Variants in NEXMIF observed in about 807,000 individuals in gnomAD.
NEXMIF encodes the protein XLMR protein related to neurite extension.
In NEXMIF, 8 loss-of-function variants were observed where a neutral mutation model predicts 62.1. The observed-to-expected ratio is 0.13, with a 90% CI of 0.08 to 0.23. The LOEUF (loss-of-function observed/expected upper bound fraction) is 0.23, where lower values mean the gene tolerates loss of function less well. NEXMIF is among the 10% of genes least tolerant of loss of function. The pLI is 1.00. For missense variants in NEXMIF, 976 were observed against 1,113.3 expected, an observed-to-expected ratio of 0.88 and a Z score of 1.75; for synonymous variants, 404 against 416.6, an observed-to-expected ratio of 0.97 and a Z score of 0.37.
In NEXMIF at chrX:74,758,095, A is replaced by C. The variant is rs2080164417; in HGVS notation, c.-47-12398T>G. On this transcript the variant is annotated intron_variant, in intron 1 of 3. Coordinates refer to ENST00000055682, the MANE Select transcript of NEXMIF (RefSeq NM_001008537.3). ...AACAATGGAAGATGACCTTTTAGGC[A>C]CTTCATATGCCAGACACTGTTAGGC... Among the ~76,000 whole-genome samples the C allele has an allele frequency of 4.5e-5, 5 of 111,950 alleles. No homozygotes were observed. In the Admixed American group the frequency reaches 4.8e-4, roughly 11 times the overall value.
At chrX:74,812,632 G>T (rs1394860485) in intron 1 of NEXMIF, among the ~76,000 whole-genome samples, 1 of 111,473 alleles carries the variant, frequency 9.0e-6, no homozygotes, top group Non-Finnish European at 1.9e-5. Context: ...AGAAAAGATA[G>T]TCAGGGCTGC....
At chrX:74,871,804 A>G (rs950834747) in intron 1 of NEXMIF, among the ~76,000 whole-genome samples, 11 of 111,342 alleles carry the variant, frequency 9.9e-5, no homozygotes, top group African/African-American at 2.9e-4. Flanking sequence ...AATTGCTATT[A>G]TTCTGTTTTT....
At chrX:74,799,229 G>A (rs1017928194) in intron 1 of NEXMIF, among the ~76,000 whole-genome samples, 4 of 110,775 alleles carry the variant, frequency 3.6e-5, no homozygotes, top group African/African-American at 1.3e-4. Flanking sequence ...CCTGTTGAGT[G>A]TGAAGTAAAT....
At chrX:74,799,552 CACAA>C (rs764260809) in intron 1 of NEXMIF, among the ~76,000 whole-genome samples, 2 of 112,472 alleles carry the variant, frequency 1.8e-5, no homozygotes, top group African/African-American at 6.5e-5. Flanking sequence ...TGCACATATA[CACAA>C]ACAAATACAT....
intron 1 of NEXMIF, among the ~76,000 whole-genome samples, chrX:74,885,658 G>C (rs2080689329): frequency 9.0e-6 from 1 of 111,654 alleles, no homozygotes; most frequent in South Asian, 3.8e-4. Flanking sequence ...ATAATTAATA[G>C]CTTACCAACC....
At chrX:74,869,958 GA>G (rs200477834) in intron 1 of NEXMIF, among the ~76,000 whole-genome samples, 21 of 109,115 alleles carry the variant, frequency 1.9e-4, no homozygotes, top group Non-Finnish European at 3.6e-4. Flanking sequence ...CACAGAAATA[GA>G]AAAAAAAATC....
chrX:74,779,255 C>T (rs1337594199), intron 1 of NEXMIF, among the ~76,000 whole-genome samples: 1 of 111,906 alleles, frequency 8.9e-6, no homozygotes, highest in Non-Finnish European at 1.9e-5. Flanking sequence ...CCTTCTAAGC[C>T]CCAGTGTTCT....
At chrX:74,839,699 A>G (rs1200140856) in intron 1 of NEXMIF, among the ~76,000 whole-genome samples, 1 of 112,280 alleles carries the variant, frequency 8.9e-6, no homozygotes. Flanking sequence ...GTTTGCTAAG[A>G]ATAATAGCCT....
chrX:74,835,365 A>G (rs2080452912), intron 1 of NEXMIF, among the ~76,000 whole-genome samples: 1 of 111,154 alleles, frequency 9.0e-6, no homozygotes, highest in African/African-American at 3.3e-5. Context: ...CTGCTTGTAG[A>G]TGTTCACCGG....
rs150159685 is a variant in NEXMIF, at chrX:74,842,596, A to C, written c.-48+82287T>G. On this transcript the variant is annotated intron_variant, in intron 1 of 3. Transcript: ENST00000055682. ...AATTTGAGATCTTTCTAACTTTTTG[A>C]CGTGGGCATTTAGTGCTATTAGTTT... Among the ~76,000 whole-genome samples the C allele has an allele frequency of 4.5e-3, 501 of 111,265 alleles. 2 individuals are homozygous for C. Among genetic ancestry groups the C allele is most frequent in the African/African-American group, 0.015 (473 of 30,595 alleles).
intron 1 of NEXMIF, among the ~76,000 whole-genome samples, chrX:74,882,263 C>T (rs1045402837): frequency 2.3e-4 from 26 of 111,900 alleles, no homozygotes; most frequent in East Asian, 2.8e-4. Context: ...ACTGAGGTAA[C>T]GGGTTCATCT....
intron 1 of NEXMIF, among the ~76,000 whole-genome samples, chrX:74,922,245 GA>G (rs2080829427): frequency 9.0e-6 from 1 of 111,074 alleles, no homozygotes; most frequent in African/African-American, 3.3e-5. Context: ...GAAGATTGTG[GA>G]AAAAAGAAAA....
chrX:74,921,942 TC>T (rs1254020499), intron 1 of NEXMIF, among the ~76,000 whole-genome samples: 1 of 111,684 alleles, frequency 9.0e-6, no homozygotes, highest in Non-Finnish European at 1.9e-5. Flanking sequence ...TCTATTTTTC[TC>T]CCCTTACTAA....
intron 1 of NEXMIF, among the ~76,000 whole-genome samples, chrX:74,907,018 T>C (rs1265012246): frequency 9.0e-6 from 1 of 111,575 alleles, no homozygotes; most frequent in Non-Finnish European, 1.9e-5. Flanking sequence ...CACCTTATAA[T>C]ATGATGTTTT....
chrX:74,829,608 A>AT (rs1043579208), intron 1 of NEXMIF, among the ~76,000 whole-genome samples: 1 of 111,423 alleles, frequency 9.0e-6, no homozygotes, highest in Non-Finnish European at 1.9e-5. Context: ...CCCTATTTGC[A>AT]TTTTTTTGAG....
At chrX:74,804,604 G>A (rs1876657842) in intron 1 of NEXMIF, among the ~76,000 whole-genome samples, 1 of 111,884 alleles carries the variant, frequency 8.9e-6, no homozygotes. Context: ...ATCCTGCTAT[G>A]GCTCAGGTGG....
At chrX:74,809,615 T>G (rs1236508972) in intron 1 of NEXMIF, among the ~76,000 whole-genome samples, 4 of 111,984 alleles carry the variant, frequency 3.6e-5, no homozygotes, top group African/African-American at 1.3e-4. Flanking sequence ...AGCAAAGACT[T>G]TAGTTTAGTA....
chrX:74,846,393 C>T (rs2080491953), intron 1 of NEXMIF, among the ~76,000 whole-genome samples: 2 of 111,946 alleles, frequency 1.8e-5, no homozygotes, highest in South Asian at 7.5e-4. Flanking sequence ...ACCACTAAAC[C>T]TTCTCAAGAC....
chrX:74,919,960 A>C (rs1478365001), intron 1 of NEXMIF, among the ~76,000 whole-genome samples: 1 of 111,227 alleles, frequency 9.0e-6, no homozygotes, highest in African/African-American at 3.3e-5. Flanking sequence ...TGAACTCATC[A>C]TTTTTTATAG....
Sources: gnomAD v4.1 joint callset for allele counts (sites outside exome capture counted in the v4.1 genomes callset) on GRCh38, gnomAD v4.1.1 for gene constraint, MANE v1.5 for transcripts, NCBI Gene and HGNC (gene_info 2026-07-23, HGNC 2026-07-21) for gene names.